WARS2: variants seen among roughly 807,000 people sequenced by gnomAD.
The protein encoded by WARS2 is tryptophan--tRNA ligase, mitochondrial.
WARS2 carries 28 observed loss-of-function variants against 36.5 expected under a neutral mutation model. That is an observed-to-expected ratio of 0.77 (90% CI 0.57 to 1.05). The LOEUF is 1.05. Ranked by LOEUF, WARS2 falls within the 50% of genes least tolerant of loss-of-function variation. The probability of loss-of-function intolerance (pLI) is 0.00; values close to 1 mark genes in which losing one functional copy is unlikely to be tolerated. For synonymous variants in WARS2, 174 were observed against 178.4 expected, an observed-to-expected ratio of 0.98 and a Z score of 0.20; for missense variants, 435 against 456.8, an observed-to-expected ratio of 0.95 and a Z score of 0.44.
chr1:119,092,083 C>T (rs1389153673), intron 1 of WARS2, among the ~76,000 whole-genome samples: 8 of 152,112 alleles, frequency 5.3e-5, no homozygotes, highest in Non-Finnish European at 1.2e-4. Flanking sequence ...TGGTGGGATG[C>T]GTGGATCAAA....
chr1:119,102,598 C>T (rs749342045), intron 1 of WARS2, among the ~76,000 whole-genome samples: 1 of 152,242 alleles, frequency 6.6e-6, no homozygotes, highest in East Asian at 1.9e-4. Flanking sequence ...GTCTTTCCTA[C>T]TCTATGGAAA....
chr1:119,100,544 T>G (rs1324961612), intron 1 of WARS2, among the ~76,000 whole-genome samples: 2 of 152,216 alleles, frequency 1.3e-5, no homozygotes, highest in Non-Finnish European at 2.9e-5. Context: ...TCAATCTAAG[T>G]GTTCATCAAC....
chr1:119,052,732 A>G (rs1284774195), intron 2 of WARS2, among the ~76,000 whole-genome samples: 1 of 152,216 alleles, frequency 6.6e-6, no homozygotes, highest in Non-Finnish European at 1.5e-5. Flanking sequence ...TATACAGGGT[A>G]ACAGACAGCC....
intron 1 of WARS2, among the ~76,000 whole-genome samples, chr1:119,120,904 A>G (rs188209454): frequency 6.6e-6 from 1 of 152,270 alleles, no homozygotes; most frequent in Admixed American, 6.5e-5. Context: ...TTATGGTAAT[A>G]AAAGCCATCT....
At chr1:119,068,173 C>T (rs1651023268) in intron 2 of WARS2, among the ~76,000 whole-genome samples, 1 of 152,152 alleles carries the variant, frequency 6.6e-6, no homozygotes, top group Non-Finnish European at 1.5e-5. Context: ...GCTGAAAGAG[C>T]ACCTATTGTT....
At chr1:119,106,559 A>G (rs995170429) in intron 1 of WARS2, among the ~76,000 whole-genome samples, 6 of 152,172 alleles carry the variant, frequency 3.9e-5, no homozygotes, top group African/African-American at 7.2e-5. Context: ...AGTTGAAATC[A>G]TAAAATATGT....
chr1:119,109,487 C>T lies in WARS2; in HGVS notation c.90+31068G>A, dbSNP rs377729463. 8.6e-5 allele frequency among the ~76,000 whole-genome samples: 13 copies of T among 151,938 alleles called. No homozygotes were observed. The South Asian group carries it at 2.5e-3, about 29-fold the overall frequency. ...ACTTTCCTTGACATTCAGTCTGTTC[C>T]GTCTGAAATTAATACAGTTGATCCC... On this transcript the variant is annotated intron_variant, in intron 1 of 5. Transcript: ENST00000235521.
chr1:119,085,953 A>G, intron 1 of WARS2: 2 of 1,610,234 alleles, frequency 1.2e-6, no homozygotes, highest in Non-Finnish European at 1.7e-6. Context: ...TAAAGGGTTC[A>G]TCTCCACGGG....
chr1:119,131,387 G>A (rs587722331), intron 1 of WARS2, among the ~76,000 whole-genome samples: 5 of 152,136 alleles, frequency 3.3e-5, no homozygotes, highest in Admixed American at 3.3e-4. Context: ...GTGAACTCTA[G>A]GGCAAAGGAT....
chr1:119,056,407 T>A (rs1649815208), intron 2 of WARS2, among the ~76,000 whole-genome samples: 1 of 150,946 alleles, frequency 6.6e-6, no homozygotes, highest in Non-Finnish European at 1.5e-5. Flanking sequence ...TGGGCTTTCC[T>A]TCTTTCTTTT....
intron 1 of WARS2, chr1:119,084,948 C>T (rs1034090138): frequency 7.4e-6 from 3 of 403,936 alleles, no homozygotes; most frequent in African/African-American, 6.1e-5. Flanking sequence ...AATTTGACTG[C>T]ATTTAAAAAA....
In WARS2 at chr1:119,110,910, T is replaced by C. The variant is rs587713251; in HGVS notation, c.90+29645A>G. The stretch of plus-strand genomic sequence containing the variant: ...AGCTCAGAGGTCCTTTCAACAACTA[T>C]GTCCACCCTACTAATGAACCTATCA... On this transcript the variant is annotated intron_variant, in intron 1 of 5. Transcript: ENST00000235521. Among the ~76,000 whole-genome samples the C allele has an allele frequency of 7.9e-4, 120 of 152,294 alleles. 1 individual carries two copies. The highest frequency in any genetic ancestry group is 1.5e-3 in the Non-Finnish European group (100 of 68,002).
At chr1:119,088,459 C>CAT (rs1652824908) in intron 1 of WARS2, among the ~76,000 whole-genome samples, 1 of 133,518 alleles carries the variant, frequency 7.5e-6, no homozygotes, top group Non-Finnish European at 1.7e-5. Context: ...CACACACACA[C>CAT]ACACACACAA....
chr1:119,034,003 A>G (rs1647668483), intron 5 of WARS2, 92 bp downstream of exon 5: 6 of 1,068,250 alleles, frequency 5.6e-6, no homozygotes, highest in Non-Finnish European at 8.4e-6. Context: ...AAGAAAGCTG[A>G]GGTTAGTCCC....
rs137890886 is a variant in WARS2 at position 119,034,107 on chromosome 1, C to T, written c.622G>A (p.Glu208Lys). 8.1e-6 allele frequency: 13 copies of T among 1,613,300 alleles called. No homozygotes were observed. Among genetic ancestry groups the T allele is most frequent in the African/African-American group, 2.7e-5 (2 of 74,914 alleles). ...GTTTCTTACTTACTGAGAATGGACTCGGGCACTGGAAAGAACTCCCCATAC... is the reference window on the plus strand; with the variant it reads ...GTTTCTTACTTACTGAGAATGGACTTGGGCACTGGAAAGAACTCCCCATAC... The part of the protein sequence containing the change: ...KKYGEFFPVP[E>K]SILTSMKKVK... The change falls in exon 5 of 6, where the codon GAG becomes AAG. Residue 208 changes from glutamate to lysine, a missense_variant. Glu to Lys is a moderately conservative substitution (Grantham distance 56). Coordinates refer to ENST00000235521, the MANE Select transcript of WARS2 (RefSeq NM_015836.4).
chr1:119,033,055 C>T lies in WARS2; in HGVS notation c.939G>A (p.Lys313=), dbSNP rs760869600. ...KLAVADAVIE[K]FAPIKREIEK... ...CAATTTCACGCTTAATTGGGGCAAA[C>T]TTCTCAATCACAGCATCTGCCACGG... The change falls in exon 6 of 6, where the codon AAG becomes AAA. Residue 313 remains lysine, a synonymous_variant. Transcript: ENST00000235521. The T allele has an allele frequency of 1.2e-6, 2 of 1,614,264 alleles. No individual in the cohort carries two copies. The highest frequency in any genetic ancestry group is 2.2e-5 in the South Asian group (2 of 91,088).
In WARS2 at chr1:119,032,373, G is replaced by C. The variant is rs1216365312; in HGVS notation, c.*538C>G. The C allele has an allele frequency of 6.5e-6, 1 of 152,716 alleles. No homozygotes were observed. The highest frequency in any genetic ancestry group is 1.9e-4 in the East Asian group (1 of 5,194). The allele number at this position is 152,716 out of a possible 1,614,324, so 9.5% of individuals were successfully genotyped here. On this transcript the variant is annotated 3_prime_UTR_variant, in exon 6 of 6. Coordinates refer to ENST00000235521, the MANE Select transcript of WARS2 (RefSeq NM_015836.4). ...GTTGGTGTTATCTCTTGGAAAACAAGTTAAGCAGCTTAAATATATTAAATC... is the reference window on the plus strand; with the variant it reads ...GTTGGTGTTATCTCTTGGAAAACAACTTAAGCAGCTTAAATATATTAAATC...
intron 1 of WARS2, among the ~76,000 whole-genome samples, chr1:119,137,380 A>T (rs1329839710): frequency 1.3e-5 from 2 of 152,234 alleles, no homozygotes; most frequent in African/African-American, 4.8e-5. Flanking sequence ...TCTAATGGCT[A>T]TACTTAGCGA....
At chr1:119,049,915 C>T (rs1034926302) in intron 2 of WARS2, among the ~76,000 whole-genome samples, 3 of 152,338 alleles carry the variant, frequency 2.0e-5, no homozygotes, top group Non-Finnish European at 4.4e-5. Context: ...CTCCCTGCTT[C>T]CACTCTAGCT....
Sources: gnomAD v4.1 joint callset for allele counts (sites outside exome capture counted in the v4.1 genomes callset) on GRCh38, gnomAD v4.1.1 for gene constraint, MANE v1.5 for transcripts, NCBI Gene and HGNC (gene_info 2026-07-23, HGNC 2026-07-21) for gene names.